Variants in ABCC1 observed in about 807,000 individuals in gnomAD.
ABCC1 encodes multidrug resistance-associated protein 1.
Under a neutral mutation model 172.9 loss-of-function variants are expected in ABCC1, and 83 were observed. The ratio of observed to expected loss-of-function variants is 0.48; its 90% CI spans 0.40 to 0.58. ABCC1 has a LOEUF of 0.58. ABCC1 is among the 20% of genes least tolerant of loss of function. The pLI is 0.00. For missense variants in ABCC1, 1,817 were observed against 2,002.7 expected, an observed-to-expected ratio of 0.91 and a Z score of 1.77; for synonymous variants, 937 against 825.2, an observed-to-expected ratio of 1.14 and a Z score of -2.32.
intron 23 of ABCC1, among the ~76,000 whole-genome samples, chr16:16,117,733 C>A (rs576673129): frequency 5.9e-5 from 9 of 152,152 alleles, no homozygotes; most frequent in African/African-American, 2.2e-4. Context: ...TGGTGAAACC[C>A]CACCTCTACT....
At chr16:16,134,212 C>A in intron 27 of ABCC1, 138 bp from the exon 28 acceptor site, 1 of 1,029,548 alleles carries the variant, frequency 9.7e-7, no homozygotes, top group African/African-American at 1.6e-5. Flanking sequence ...CTCTGGGCAG[C>A]GCGCAAGGGA....
In ABCC1 at chr16:16,046,014, G is replaced by A. The variant is rs2049193427; in HGVS notation, c.1218+1G>A. On this transcript the variant is annotated splice_donor_variant, in intron 9 of 30. Coordinates refer to ENST00000399410, the MANE Select transcript of ABCC1 (RefSeq NM_004996.4). LOFTEE classifies it high-confidence loss of function. ...TGTCATTGGGGCTGTCTATCGGAAG[G>A]TAGGGGACGCTGTGCCATTGGCATG... is the stretch of plus-strand genomic sequence containing the variant. The A allele has an allele frequency of 6.2e-7, 1 of 1,613,876 alleles. No individual in the cohort carries two copies. The highest frequency in any genetic ancestry group is 8.5e-7 in the Non-Finnish European group (1 of 1,179,964).
At chr16:16,065,493 T>C (rs1799236579) in intron 12 of ABCC1, among the ~76,000 whole-genome samples, 2 of 152,096 alleles carry the variant, frequency 1.3e-5, no homozygotes, top group African/African-American at 4.8e-5. Context: ...GGTGCAGTGG[T>C]GCAATCTTGG....
At chr16:16,074,799 C>T (rs895555124) in intron 14 of ABCC1, among the ~76,000 whole-genome samples, 3 of 152,150 alleles carry the variant, frequency 2.0e-5, no homozygotes, top group African/African-American at 7.2e-5. Flanking sequence ...CAGCACCTTC[C>T]TCTCTCTCTA....
intron 16 of ABCC1, among the ~76,000 whole-genome samples, chr16:16,082,724 TGGTA>T (rs776298014): frequency 3.3e-5 from 5 of 152,198 alleles, no homozygotes; most frequent in Non-Finnish European, 7.3e-5. Flanking sequence ...TCTCAGCTCG[TGGTA>T]CCTCCATTTC....
chr16:16,104,627 G>T (rs1265839483), intron 20 of ABCC1, among the ~76,000 whole-genome samples: 4 of 152,226 alleles, frequency 2.6e-5, no homozygotes, highest in Admixed American at 6.5e-5. Context: ...CCACACTGGG[G>T]CTGCAGGTGG....
intron 20 of ABCC1, 71 bp from the exon 21 acceptor site, chr16:16,106,667 C>G: frequency 6.3e-7 from 1 of 1,596,862 alleles, no homozygotes; most frequent in East Asian, 2.2e-5. Context: ...CAATAGCAGT[C>G]CCAGCAGGGA....
At chr16:16,004,819 T>TA (rs1322999148) in intron 1 of ABCC1, among the ~76,000 whole-genome samples, 1 of 151,224 alleles carries the variant, frequency 6.6e-6, no homozygotes, top group African/African-American at 2.4e-5. Flanking sequence ...CCTGCCCGGC[T>TA]AATTTTTATG....
intron 27 of ABCC1, among the ~76,000 whole-genome samples, chr16:16,133,227 G>A (rs45576035): frequency 0.03 from 4,574 of 152,214 alleles, 182 homozygotes; most frequent in African/African-American, 0.076. Flanking sequence ...TTTGCTGGGG[G>A]ACAAGGCTGC....
intron 27 of ABCC1, among the ~76,000 whole-genome samples, chr16:16,133,861 C>G (rs1262619824): frequency 6.6e-6 from 1 of 152,146 alleles, no homozygotes; most frequent in Non-Finnish European, 1.5e-5. Context: ...TGGCCATTAG[C>G]TAGAGAACCT....
chr16:15,964,381 CTT>C (rs1370725216), intron 1 of ABCC1, among the ~76,000 whole-genome samples: 1 of 152,168 alleles, frequency 6.6e-6, no homozygotes, highest in Non-Finnish European at 1.5e-5. Context: ...CTGCCAGTCT[CTT>C]TGCTAAAGCA....
chr16:16,131,489 G>A (rs1243341312), intron 26 of ABCC1, among the ~76,000 whole-genome samples: 2 of 152,206 alleles, frequency 1.3e-5, no homozygotes, highest in Non-Finnish European at 2.9e-5. Context: ...GTGGGAGACA[G>A]AATACACTCA....
At chr16:16,113,280 C>A (rs1022558471) in intron 22 of ABCC1, among the ~76,000 whole-genome samples, 4 of 152,194 alleles carry the variant, frequency 2.6e-5, no homozygotes. Flanking sequence ...TGAACTCACA[C>A]AGCAACAACG....
At chr16:16,111,996 G>A (rs1348062055) in intron 22 of ABCC1, among the ~76,000 whole-genome samples, 1 of 152,176 alleles carries the variant, frequency 6.6e-6, no homozygotes. Context: ...ATTATGGGCA[G>A]TGTTGTCCCT....
At chr16:16,139,054 C>G (rs906249296) in intron 30 of ABCC1, among the ~76,000 whole-genome samples, 1 of 152,178 alleles carries the variant, frequency 6.6e-6, no homozygotes, top group South Asian at 2.1e-4. Context: ...TTCACGTCAG[C>G]GCACCTGCGG....
intron 20 of ABCC1, 158 bp from the exon 21 acceptor site, chr16:16,106,580 T>A: frequency 1.3e-6 from 1 of 767,776 alleles, no homozygotes; most frequent in Non-Finnish European, 2.0e-6. Flanking sequence ...TGGTGGGGTG[T>A]GGTGCATATA....
chr16:16,047,978 G>C, intron 9 of ABCC1, among the ~76,000 whole-genome samples, 164 bp from the exon 10 acceptor site: 1 of 152,208 alleles, frequency 6.6e-6, no homozygotes, highest in East Asian at 1.9e-4. Flanking sequence ...TGGGCTTTGA[G>C]ATGACACAGG....
intron 25 of ABCC1, 35 bp from the exon 26 acceptor site, chr16:16,125,775 A>T: frequency 1.4e-6 from 2 of 1,467,200 alleles, no homozygotes; most frequent in Non-Finnish European, 1.9e-6. Flanking sequence ...ACGCCCGCTT[A>T]CTCTAGAAAT....
intron 19 of ABCC1, among the ~76,000 whole-genome samples, chr16:16,100,546 G>C (rs754597591): frequency 6.6e-6 from 1 of 152,222 alleles, no homozygotes; most frequent in Non-Finnish European, 1.5e-5. Flanking sequence ...CCTGGGTGAT[G>C]TGGCTATTTG....
Sources: allele counts gnomAD v4.1 joint callset (sites outside exome capture counted in the v4.1 genomes callset), GRCh38; gene constraint gnomAD v4.1.1; transcripts MANE v1.5; gene names NCBI Gene and HGNC (gene_info 2026-07-23, HGNC 2026-07-21).